The following LY75 variants were observed in gnomAD, a reference collection of about 807,000 sequenced individuals.
The protein encoded by LY75 is C-type lectin domain family 13 member B.
Under a neutral mutation model 231.7 loss-of-function variants are expected in LY75, and 185 were observed. The ratio of observed to expected loss-of-function variants is 0.80; its 90% CI spans 0.71 to 0.90. LY75 has a LOEUF of 0.90. Ranked by LOEUF, LY75 falls within the 40% of genes least tolerant of loss-of-function variation. The pLI, the probability that LY75 is intolerant of heterozygous loss-of-function variation, is 0.00. For synonymous variants in LY75, 668 were observed against 689.0 expected (o/e 0.97, Z 0.48); for missense variants, 1,947 against 2,050.2 (o/e 0.95, Z 0.97).
chr2:159,852,376 AT>A (rs748325113), intron 20 of LY75, 36 bp from the exon 21 acceptor site: 29 of 1,575,348 alleles, frequency 1.8e-5, no homozygotes, highest in African/African-American at 4.1e-5. Flanking sequence ...TATGGTGAGA[AT>A]TTTTCAGTCA....
intron 29 of LY75, 95 bp downstream of exon 29, chr2:159,819,631 G>A: frequency 2.1e-6 from 3 of 1,424,908 alleles, no homozygotes; most frequent in Non-Finnish European, 9.5e-7. Flanking sequence ...TGAATACAGA[G>A]GAAGCATTTG....
chr2:159,872,285 A>G (rs921882964), intron 13 of LY75, 166 bp downstream of exon 13: 2 of 809,924 alleles, frequency 2.5e-6, no homozygotes, highest in Non-Finnish European at 3.7e-6. Flanking sequence ...GTGTCTGCAC[A>G]TTAAGAGTGC....
chr2:159,860,419 A>T (rs986739379), intron 15 of LY75, among the ~76,000 whole-genome samples: 1 of 152,028 alleles, frequency 6.6e-6, no homozygotes, highest in African/African-American at 2.4e-5. Flanking sequence ...CTTCCACCTT[A>T]TTTTATACCA....
intron 28 of LY75, 46 bp downstream of exon 28, chr2:159,831,624 T>A (rs776905019): frequency 1.3e-6 from 2 of 1,587,566 alleles, no homozygotes; most frequent in Non-Finnish European, 1.7e-6. Context: ...TATGTTATAA[T>A]GAAGTACAAA....
chr2:159,903,228 G>C (rs1256817007), intron 1 of LY75: 1 of 152,258 alleles, frequency 6.6e-6, no homozygotes, highest in Non-Finnish European at 1.5e-5. Context: ...AGTGATTGCA[G>C]AGATTGCAAG....
intron 31 of LY75, among the ~76,000 whole-genome samples, chr2:159,811,832 A>C (rs560823973): frequency 2.8e-4 from 42 of 152,304 alleles, no homozygotes; most frequent in African/African-American, 9.1e-4. Flanking sequence ...TTGAGTACTA[A>C]GTCTTCAGTT....
chr2:159,868,733 C>T (rs1024027508), intron 13 of LY75, among the ~76,000 whole-genome samples: 1 of 152,264 alleles, frequency 6.6e-6, no homozygotes, highest in East Asian at 1.9e-4. Flanking sequence ...TTCATTAGTA[C>T]TTATCCATGG....
Position 159,904,725 on chromosome 2 carries a change from G to C in LY75, c.-43C>G, listed in dbSNP as rs1262352017. Reference sequence around the variant, plus strand: ...CTTCCGGCCGGGTCCTCGGGCGCACGCGGCTCCCGCCCCGCCTGCTGAGCG... The same window carrying C: ...CTTCCGGCCGGGTCCTCGGGCGCACCCGGCTCCCGCCCCGCCTGCTGAGCG... On this transcript the variant is annotated 5_prime_UTR_variant, in exon 1 of 35. Transcript: ENST00000263636. 1 of 1,377,784 alleles carries C rather than the reference G, an allele frequency of 7.3e-7. No individual in the cohort carries two copies. Among genetic ancestry groups the C allele is most frequent in the African/African-American group, 1.5e-5 (1 of 65,450 alleles). 85.3% of individuals were successfully genotyped at this position (1,377,784 alleles called of 1,614,324 possible). A position where few individuals can be genotyped will look rare whatever the true frequency, so the allele number is the denominator to read the frequency against.
chr2:159,840,253 G>A (rs1473012138), intron 25 of LY75, among the ~76,000 whole-genome samples: 1 of 152,058 alleles, frequency 6.6e-6, no homozygotes, highest in Non-Finnish European at 1.5e-5. Flanking sequence ...TCTTTCAATA[G>A]TGGAAAGATA....
chr2:159,841,033 T>C (rs1240479957), intron 24 of LY75, 78 bp from the exon 25 acceptor site: 9 of 1,565,726 alleles, frequency 5.7e-6, no homozygotes, highest in African/African-American at 1.4e-5. Flanking sequence ...TTTTCACATT[T>C]CTCCCCATAC....
At chr2:159,893,172 T>TC (rs1257065445) in intron 3 of LY75, among the ~76,000 whole-genome samples, 2 of 152,150 alleles carry the variant, frequency 1.3e-5, no homozygotes, top group Non-Finnish European at 2.9e-5. Context: ...CTGCCTAATT[T>TC]CCCCAACAGG....
At chr2:159,844,338 A>C (rs1560077473) in intron 23 of LY75, among the ~76,000 whole-genome samples, 1 of 151,866 alleles carries the variant, frequency 6.6e-6, no homozygotes, top group African/African-American at 2.4e-5. Flanking sequence ...AAAAAAAAAA[A>C]AAAAACTATA....
chr2:159,881,074 G>A lies in LY75; in HGVS notation c.1404+9C>T, dbSNP rs1232138789. ...GAAGAATATAAAGAAACCACAGGAG[G>A]TTTCGTACCTCTCCTAAGTAGGAAA... On this transcript the variant is annotated intron_variant, in intron 8 of 34. Coordinates refer to ENST00000263636, the MANE Select transcript of LY75 (RefSeq NM_002349.4). The A allele has an allele frequency of 6.2e-7, 1 of 1,611,570 alleles. No homozygotes were observed. Among genetic ancestry groups the A allele is most frequent in the Non-Finnish European group, 8.5e-7 (1 of 1,179,256 alleles).
At position 159,878,345 on chromosome 2, in the gene LY75, T is replaced by C; in HGVS notation, c.1753A>G (p.Asn585Asp). 1 of 1,613,922 alleles carries C rather than the reference T, an allele frequency of 6.2e-7. No homozygotes were observed. The highest frequency in any genetic ancestry group is 8.5e-7 in the Non-Finnish European group (1 of 1,179,930). The change falls in exon 11 of 35, where the codon AAC becomes GAC. Residue 585 changes from asparagine to aspartate, a missense_variant. Asn to Asp is a conservative substitution (Grantham distance 23). Transcript: ENST00000263636. ...TCACCTGGCTCAAGAAAATTCCAGTTGGAAAAGGTTACAGCCCGCCTTCTT... is the reference window on the plus strand; with the variant it reads ...TCACCTGGCTCAAGAAAATTCCAGTCGGAAAAGGTTACAGCCCGCCTTCTT... ...GGRRRAVTFS[N>D]WNFLEPASPG...
intron 28 of LY75, among the ~76,000 whole-genome samples, chr2:159,825,382 C>T (rs1221672277): frequency 2.6e-5 from 4 of 152,212 alleles, no homozygotes; most frequent in African/African-American, 7.2e-5. Context: ...TTCCTGGACA[C>T]ATACACCCTC....
intron 21 of LY75, 113 bp downstream of exon 21, chr2:159,852,088 C>T: frequency 7.1e-7 from 1 of 1,405,224 alleles, no homozygotes; most frequent in Non-Finnish European, 9.4e-7. Context: ...GATCCTGAAA[C>T]ATGCAGAGTC....
intron 28 of LY75, among the ~76,000 whole-genome samples, chr2:159,828,303 C>T (rs1052543150): frequency 6.6e-6 from 1 of 150,386 alleles, no homozygotes; most frequent in Non-Finnish European, 1.5e-5. Context: ...AGAATTCTTA[C>T]CCCTCGACAA....
intron 13 of LY75, among the ~76,000 whole-genome samples, chr2:159,865,191 T>C (rs1684824299): frequency 6.6e-6 from 1 of 152,178 alleles, no homozygotes; most frequent in Non-Finnish European, 1.5e-5. Context: ...ATTCCAAGAC[T>C]TTTACTGTAG....
chr2:159,822,135 GTTC>G (rs1355281187), intron 28 of LY75, among the ~76,000 whole-genome samples: 1 of 152,176 alleles, frequency 6.6e-6, no homozygotes, highest in African/African-American at 2.4e-5. Context: ...AGCTGCAGGA[GTTC>G]TTTTTTCCCC....
Sources: gnomAD v4.1 joint callset for allele counts (sites outside exome capture counted in the v4.1 genomes callset) on GRCh38, gnomAD v4.1.1 for gene constraint, MANE v1.5 for transcripts, NCBI Gene and HGNC (gene_info 2026-07-23, HGNC 2026-07-21) for gene names.